RHOU: variants seen among roughly 807,000 people sequenced by gnomAD.
The protein encoded by RHOU is rho-related GTP-binding protein RhoU.
In RHOU, 8 loss-of-function variants were observed where a neutral mutation model predicts 12.6. The observed-to-expected ratio is 0.64, with a 90% CI of 0.37 to 1.15. RHOU has a LOEUF of 1.15. RHOU is among the 50% of genes most tolerant of loss of function. RHOU has a pLI of 0.01. For missense variants in RHOU, 258 were observed against 347.0 expected (o/e 0.74, Z 2.04); for synonymous variants, 161 against 147.4 (o/e 1.09, Z -0.67).
At chr1:228,694,298 C>T in the RHOU span, among the ~76,000 whole-genome samples, 13 of 152,030 alleles carry the variant, frequency 8.6e-5, no homozygotes, top group South Asian at 4.2e-4. Flanking sequence ...AGAATAGTGG[C>T]CTGTTTTTAG....
At chr1:228,679,939 C>T in the RHOU span, among the ~76,000 whole-genome samples, 3 of 151,824 alleles carry the variant, frequency 2.0e-5, no homozygotes, top group South Asian at 6.3e-4. Flanking sequence ...TGTCTCGAGC[C>T]AATAAGGGAG....
At chr1:228,652,451 A>G in the RHOU span, 1 of 152,574 alleles carries the variant, frequency 6.6e-6, no homozygotes, top group African/African-American at 2.4e-5. Context: ...TTTGGTGCTT[A>G]CCACAGACTG....
chr1:228,678,636 G>A, the RHOU span, among the ~76,000 whole-genome samples: 1 of 152,150 alleles, frequency 6.6e-6, no homozygotes, highest in Non-Finnish European at 1.5e-5. Flanking sequence ...GCATGGTGGT[G>A]TAGGATATGG....
At chr1:228,676,321 T>C in the RHOU span, among the ~76,000 whole-genome samples, 1 of 152,138 alleles carries the variant, frequency 6.6e-6, no homozygotes, top group Admixed American at 6.6e-5. Flanking sequence ...TTAAAGGGGT[T>C]CACATTCCTC....
chr1:228,731,907 A>C (rs776602486), upstream of RHOU, among the ~76,000 whole-genome samples: 1 of 152,210 alleles, frequency 6.6e-6, no homozygotes, highest in Non-Finnish European at 1.5e-5. Context: ...AAGGCGTTGT[A>C]CTGTCTTGGT....
chr1:228,736,073 C>A, intron 1 of RHOU, 69 bp downstream of exon 1: 1 of 1,468,530 alleles, frequency 6.8e-7, no homozygotes, highest in Non-Finnish European at 9.1e-7. Context: ...GAAGGTGGCG[C>A]GAGGGTCGCG....
the RHOU span, among the ~76,000 whole-genome samples, chr1:228,657,331 A>G: frequency 6.6e-6 from 1 of 151,344 alleles, no homozygotes; most frequent in Admixed American, 6.6e-5. Context: ...AAAAAAAAAG[A>G]AAAAAGATAT....
chr1:228,729,059 C>G, the RHOU span, among the ~76,000 whole-genome samples: 1 of 152,018 alleles, frequency 6.6e-6, no homozygotes, highest in Non-Finnish European at 1.5e-5. Flanking sequence ...CCACGCTGGG[C>G]TAATTTTTAT....
the RHOU span, among the ~76,000 whole-genome samples, chr1:228,716,133 G>T: frequency 6.6e-6 from 1 of 151,984 alleles, no homozygotes; most frequent in East Asian, 1.9e-4. Flanking sequence ...GCCCAGGGTG[G>T]TCTTGAACTC....
the RHOU span, among the ~76,000 whole-genome samples, chr1:228,648,859 T>TCTTTCTTTCTTTCTTTC: frequency 1.5e-5 from 1 of 65,938 alleles, no homozygotes; most frequent in Non-Finnish European, 4.0e-5. Context: ...TTCCTCTCTC[T>TCTTTCTTTCTTTCTTTC]CTTTCTTTCT....
the RHOU span, among the ~76,000 whole-genome samples, chr1:228,646,875 T>C: frequency 6.7e-6 from 1 of 149,336 alleles, no homozygotes; most frequent in South Asian, 2.1e-4. Flanking sequence ...GATGGAGAGA[T>C]AGAAACCGAG....
At chr1:228,685,682 T>C in the RHOU span, among the ~76,000 whole-genome samples, 1 of 152,246 alleles carries the variant, frequency 6.6e-6, no homozygotes, top group Admixed American at 6.5e-5. Context: ...TATGTGAATA[T>C]ATATCTTCCT....
the RHOU span, among the ~76,000 whole-genome samples, chr1:228,680,693 C>T: frequency 6.6e-6 from 1 of 152,082 alleles, no homozygotes; most frequent in Non-Finnish European, 1.5e-5. Flanking sequence ...AATAAGGTGA[C>T]CTTCTGGTCC....
At chr1:228,646,919 A>G in the RHOU span, among the ~76,000 whole-genome samples, 17 of 152,078 alleles carry the variant, frequency 1.1e-4, 1 homozygote, top group East Asian at 2.2e-3. Context: ...GAGAGACCGG[A>G]GAGGTGGAGA....
chr1:228,675,528 G>A, the RHOU span, among the ~76,000 whole-genome samples: 1 of 152,086 alleles, frequency 6.6e-6, no homozygotes, highest in African/African-American at 2.4e-5. Context: ...AGTACATACC[G>A]CTCCATCTGT....
the RHOU span, chr1:228,650,845 G>A: frequency 4.2e-5 from 17 of 404,396 alleles, no homozygotes; most frequent in African/African-American, 3.6e-4. Flanking sequence ...TCACAGCCCA[G>A]CTGAATGTCC....
chr1:228,653,212 G>A, the RHOU span, among the ~76,000 whole-genome samples: 92 of 152,220 alleles, frequency 6.0e-4, no homozygotes, highest in Non-Finnish European at 1.0e-3. Flanking sequence ...TGCGTGGCAC[G>A]ATCGTGGCTC....
chr1:228,716,877 C>T, the RHOU span, among the ~76,000 whole-genome samples: 5 of 152,074 alleles, frequency 3.3e-5, no homozygotes, highest in East Asian at 1.9e-4. Flanking sequence ...TCCATCATGA[C>T]GAACTGTCAC....
chr1:228,687,422 G>A, the RHOU span: 12 of 1,322,116 alleles, frequency 9.1e-6, no homozygotes, highest in Non-Finnish European at 1.3e-5. Flanking sequence ...GCACTGCCTT[G>A]AAGAACTTTG....
Sources: gnomAD v4.1 joint callset for allele counts (sites outside exome capture counted in the v4.1 genomes callset) on GRCh38, gnomAD v4.1.1 for gene constraint, MANE v1.5 for transcripts, NCBI Gene and HGNC (gene_info 2026-07-23, HGNC 2026-07-21) for gene names.